Variants in NAA11 observed in about 807,000 individuals in gnomAD.
NAA11 encodes the protein N-alpha-acetyltransferase 11, NatA catalytic subunit.
Under a neutral mutation model 16.1 loss-of-function variants are expected in NAA11, and 15 were observed. The observed-to-expected ratio is 0.93, with a 90% confidence interval of 0.62 to 1.44. The LOEUF is 1.44. Among genes scored for constraint, NAA11 ranks in the 40% most tolerant of loss-of-function variants. The pLI, the probability that NAA11 is intolerant of heterozygous loss-of-function variation, is 0.00. For synonymous variants in NAA11, 122 were observed against 112.4 expected, an observed-to-expected ratio of 1.09 and a Z score of -0.54; for missense variants, 298 against 291.3, an observed-to-expected ratio of 1.02 and a Z score of -0.17.
the NAA11 span, among the ~76,000 whole-genome samples, chr4:79,172,323 CA>C: frequency 9.2e-5 from 14 of 152,030 alleles, no homozygotes; most frequent in Non-Finnish European, 2.9e-5. Flanking sequence ...GAACCACTCT[CA>C]AAATTATATA....
At chr4:79,230,532 A>T (rs1721438896) in intron 2 of NAA11, among the ~76,000 whole-genome samples, 1 of 151,952 alleles carries the variant, frequency 6.6e-6, no homozygotes, top group African/African-American at 2.4e-5. Flanking sequence ...TCACACAAGC[A>T]CATAAATGCA....
chr4:79,293,369 G>C (rs1315683282), intron 2 of NAA11, among the ~76,000 whole-genome samples: 1 of 152,168 alleles, frequency 6.6e-6, no homozygotes, highest in Non-Finnish European at 1.5e-5. Flanking sequence ...TTACAGTAGA[G>C]AATCCCAATA....
intron 2 of NAA11, among the ~76,000 whole-genome samples, chr4:79,235,760 CAGAT>C (rs1407046422): frequency 2.0e-5 from 3 of 152,008 alleles, no homozygotes; most frequent in African/African-American, 2.4e-5. Context: ...GTAATTGGAT[CAGAT>C]AGATAGATCA....
At position 79,299,391 on chromosome 4, in the gene NAA11, T is replaced by G. The variant is rs371416844; in HGVS notation, c.*13-5277A>C. On this transcript the variant is annotated intron_variant and NMD_transcript_variant, in intron 1 of 2. Coordinates refer to the NAA11 transcript ENST00000511542. ...TTTATAACAACAAGATGAAAGACTTTGGAAGTTTACAGAGGCTATCAGGCT... is the reference window on the plus strand; with the variant it reads ...TTTATAACAACAAGATGAAAGACTTGGGAAGTTTACAGAGGCTATCAGGCT... 4 of 152,270 alleles carry G rather than the reference T, an allele frequency of 2.6e-5. No individual in the cohort carries two copies. In the East Asian group the frequency reaches 7.7e-4, roughly 29 times the overall value. 9.4% of individuals were successfully genotyped at this position (152,270 alleles called of 1,614,324 possible).
the NAA11 span, among the ~76,000 whole-genome samples, chr4:79,206,054 C>A: frequency 4.0e-5 from 6 of 151,774 alleles, no homozygotes; most frequent in Non-Finnish European, 5.9e-5. Context: ...GATGCCTCTT[C>A]ATTCGTTCAT....
chr4:79,246,589 CTTAT>C (rs1268444291), intron 2 of NAA11, among the ~76,000 whole-genome samples: 1 of 152,132 alleles, frequency 6.6e-6, no homozygotes, highest in Non-Finnish European at 1.5e-5. Flanking sequence ...TTAAAACAGA[CTTAT>C]TTAACACACT....
At chr4:79,199,236 G>A in the NAA11 span, among the ~76,000 whole-genome samples, 1 of 151,854 alleles carries the variant, frequency 6.6e-6, no homozygotes, top group Non-Finnish European at 1.5e-5. Context: ...GAAAAACCTG[G>A]CTGTTTTATA....
the NAA11 span, among the ~76,000 whole-genome samples, chr4:79,205,866 G>T: frequency 2.0e-5 from 3 of 151,848 alleles, no homozygotes; most frequent in African/African-American, 7.2e-5. Context: ...ATTGAATAGG[G>T]TGTCCTTTTC....
chr4:79,169,091 C>T, the NAA11 span, among the ~76,000 whole-genome samples: 1 of 152,024 alleles, frequency 6.6e-6, no homozygotes, highest in Non-Finnish European at 1.5e-5. Flanking sequence ...AACCACTGCT[C>T]AAGGAAATAA....
At chr4:79,314,077 A>T (rs1037962339), downstream of NAA11, among the ~76,000 whole-genome samples, 1 of 152,230 alleles carries the variant, frequency 6.6e-6, no homozygotes, top group African/African-American at 2.4e-5. Flanking sequence ...TAATGACCAA[A>T]AAAGCCCTAA....
At chr4:79,265,507 C>A (rs1428733765) in intron 2 of NAA11, among the ~76,000 whole-genome samples, 3 of 152,190 alleles carry the variant, frequency 2.0e-5, no homozygotes, top group Non-Finnish European at 4.4e-5. Context: ...TCCCCTATTG[C>A]ACTTTCTTTA....
intron 2 of NAA11, among the ~76,000 whole-genome samples, chr4:79,287,952 T>C (rs1366305905): frequency 6.6e-6 from 1 of 152,224 alleles, no homozygotes; most frequent in East Asian, 1.9e-4. Context: ...TTATTTTATA[T>C]GTCAGGCTCA....
At chr4:79,159,802 T>A in the NAA11 span, among the ~76,000 whole-genome samples, 1 of 152,180 alleles carries the variant, frequency 6.6e-6, no homozygotes, top group African/African-American at 2.4e-5. Context: ...AAATATATAA[T>A]ATGTGCCCTT....
Position 79,325,769 on chromosome 4 carries a change from A to C in NAA11, c.109T>G (p.Ser37Ala), listed in dbSNP as rs368509748. ...QMKYYLYHGL[S>A]WPQLSYIAED... is the part of the protein sequence containing the mutation. ...GCGATGTAAGAAAGCTGGGGCCAGGAAAGGCCATGATATAAATAGTATTTC... is the reference window on the plus strand; with the variant it reads ...GCGATGTAAGAAAGCTGGGGCCAGGCAAGGCCATGATATAAATAGTATTTC... Residue 37 changes from serine (S) to alanine (A), a missense_variant, in exon 1 of 2, where the codon TCC (serine) becomes GCC (alanine). Physicochemically the swap from Ser to Ala is moderately conservative, Grantham distance 99. Coordinates refer to ENST00000286794, the MANE Select transcript of NAA11 (RefSeq NM_032693.3). 3.8e-5 allele frequency: 61 copies of C among 1,614,108 alleles called. No individual in the cohort carries two copies. Among genetic ancestry groups the C allele is most frequent in the Non-Finnish European group, 4.8e-5 (57 of 1,180,036 alleles).
At chr4:79,205,742 A>G in the NAA11 span, among the ~76,000 whole-genome samples, 2 of 152,038 alleles carry the variant, frequency 1.3e-5, no homozygotes, top group Admixed American at 1.3e-4. Flanking sequence ...TTTAGGCTTC[A>G]GGTCCTACAT....
the NAA11 span, among the ~76,000 whole-genome samples, chr4:79,174,011 G>T: frequency 2.0e-5 from 3 of 152,066 alleles, no homozygotes; most frequent in African/African-American, 7.2e-5. Context: ...AAGACAGTCA[G>T]GGGGAGGGAG....
chr4:79,257,146 A>G (rs1194337579), intron 2 of NAA11, among the ~76,000 whole-genome samples: 1 of 152,054 alleles, frequency 6.6e-6, no homozygotes, highest in Non-Finnish European at 1.5e-5. Context: ...TGCCCTCTCT[A>G]TTTTTCCCCT....
At chr4:79,166,740 G>A in the NAA11 span, among the ~76,000 whole-genome samples, 1 of 149,242 alleles carries the variant, frequency 6.7e-6, no homozygotes, top group African/African-American at 2.5e-5. Context: ...GTGGTGGCAC[G>A]CACCTGTAGT....
chr4:79,292,144 G>T (rs1034300520), intron 2 of NAA11, among the ~76,000 whole-genome samples: 6 of 152,104 alleles, frequency 3.9e-5, no homozygotes, highest in African/African-American at 1.4e-4. Context: ...TAAGTGTCAG[G>T]TCTACTTCCT....
Sources: allele counts gnomAD v4.1 joint callset (sites outside exome capture counted in the v4.1 genomes callset), GRCh38; gene constraint gnomAD v4.1.1; transcripts MANE v1.5; gene names NCBI Gene and HGNC (gene_info 2026-07-23, HGNC 2026-07-21).